Variants in PRDM1 observed in about 807,000 individuals in gnomAD.
The protein encoded by PRDM1 is PR/SET domain 1.
In PRDM1, 13 loss-of-function variants were observed where a neutral mutation model predicts 62.8. The observed-to-expected ratio is 0.21, with a 90% CI of 0.13 to 0.33. The LOEUF is 0.33. Among genes scored for constraint, PRDM1 ranks in the 10% least tolerant of loss-of-function variants. The pLI is 1.00. For synonymous variants in PRDM1, 396 were observed against 417.6 expected (o/e 0.95, Z 0.63); for missense variants, 895 against 1,058.8 (o/e 0.85, Z 2.15).
chr6:106,003,187 A>T (rs1185817186), intron 1 of PRDM1, among the ~76,000 whole-genome samples: 1 of 152,168 alleles, frequency 6.6e-6, no homozygotes, highest in Non-Finnish European at 1.5e-5. Context: ...GTGTCAGTAT[A>T]ATGTATTGTC....
Position 106,109,659 on chromosome 6 carries a change from C to A in PRDM1, c.*2173C>A, listed in dbSNP as rs1330509509. On this transcript the variant is annotated 3_prime_UTR_variant, in exon 7 of 7. Transcript: ENST00000369096. ...TCCCAACTACTCGTTTGTTCTTTTTCTCCTTTTGTGCTTTCCCATAGTGAG... is the reference window on the plus strand; with the variant it reads ...TCCCAACTACTCGTTTGTTCTTTTTATCCTTTTGTGCTTTCCCATAGTGAG... 1.7e-5 allele frequency: 4 copies of A among 233,270 alleles called. No individual in the cohort carries two copies. The highest frequency in any genetic ancestry group is 1.7e-5 in the Non-Finnish European group (2 of 117,838). The allele number at this position is 233,270 out of a possible 1,614,324, so 14.5% of individuals were successfully genotyped here.
intron 2 of PRDM1, among the ~76,000 whole-genome samples, chr6:106,092,672 GAGA>G (rs1241739322): frequency 6.6e-6 from 1 of 152,184 alleles, no homozygotes; most frequent in Non-Finnish European, 1.5e-5. Flanking sequence ...GGACCAGAGG[GAGA>G]CTTAGTACTT....
chr6:106,104,641 G>A (rs1774388412), intron 4 of PRDM1, among the ~76,000 whole-genome samples, 184 bp from the exon 5 acceptor site: 1 of 152,188 alleles, frequency 6.6e-6, no homozygotes, highest in Non-Finnish European at 1.5e-5. Context: ...AGGAGGAAAC[G>A]GAACTGCACT....
At chr6:106,077,003 A>G (rs1009741586) in intron 1 of PRDM1, among the ~76,000 whole-genome samples, 3 of 152,204 alleles carry the variant, frequency 2.0e-5, no homozygotes, top group Admixed American at 1.3e-4. Context: ...TGGAAAATCT[A>G]TTACATTTGT....
In PRDM1 at chr6:106,036,067, C is replaced by A. The variant is rs148583245; in HGVS notation, c.-67+42428C>A. 4.6e-3 allele frequency among the ~76,000 whole-genome samples: 699 copies of A among 152,018 alleles called. 5 individuals are homozygous for A. Among genetic ancestry groups the A allele is most frequent in the African/African-American group, 0.016 (657 of 41,456 alleles). Reference sequence around the variant, plus strand: ...ACAGGCGTGAGTCACTGTGCCTGGCCAGCTATTTGTTTTCTATATTCCTTA... The same window carrying A: ...ACAGGCGTGAGTCACTGTGCCTGGCAAGCTATTTGTTTTCTATATTCCTTA... On this transcript the variant is annotated intron_variant, in intron 1 of 6. Coordinates refer to the PRDM1 transcript ENST00000652320.
intron 1 of PRDM1, among the ~76,000 whole-genome samples, chr6:106,036,230 C>A (rs1772923981): frequency 6.6e-6 from 1 of 152,020 alleles, no homozygotes; most frequent in Non-Finnish European, 1.5e-5. Context: ...CTTACTGGAA[C>A]CTCTCCGTCC....
At chr6:106,069,021 G>C (rs576666623) in intron 1 of PRDM1, among the ~76,000 whole-genome samples, 3 of 152,136 alleles carry the variant, frequency 2.0e-5, no homozygotes, top group African/African-American at 7.2e-5. Context: ...AGCACACCAG[G>C]TTGTGGGGAT....
At chr6:106,043,141 A>G (rs1773026715) in intron 1 of PRDM1, among the ~76,000 whole-genome samples, 1 of 152,108 alleles carries the variant, frequency 6.6e-6, no homozygotes, top group Admixed American at 6.5e-5. Flanking sequence ...ATGAGCCACC[A>G]CAACTGGCCC....
chr6:106,029,796 T>C (rs1434100196), intron 1 of PRDM1, among the ~76,000 whole-genome samples: 1 of 152,142 alleles, frequency 6.6e-6, no homozygotes, highest in Non-Finnish European at 1.5e-5. Context: ...TGTTTGTATC[T>C]TTTGTAGAGC....
chr6:106,085,277 T>TA (rs988470741), upstream of PRDM1, among the ~76,000 whole-genome samples: 28 of 152,126 alleles, frequency 1.8e-4, no homozygotes, highest in African/African-American at 2.4e-4. Flanking sequence ...GAAATGATTT[T>TA]AAAAAAACCT....
chr6:106,068,232 C>T (rs1773462833), intron 1 of PRDM1, among the ~76,000 whole-genome samples: 1 of 152,084 alleles, frequency 6.6e-6, no homozygotes, highest in African/African-American at 2.4e-5. Flanking sequence ...GCTGGGATTA[C>T]AGGCGGATGC....
chr6:106,008,734 C>G (rs1267533461), intron 1 of PRDM1, among the ~76,000 whole-genome samples: 1 of 152,194 alleles, frequency 6.6e-6, no homozygotes, highest in African/African-American at 2.4e-5. Context: ...AGACTAGACA[C>G]TGGCTCTTTA....
chr6:106,006,832 T>TAGAGCAAAG (rs1772489311), intron 1 of PRDM1, among the ~76,000 whole-genome samples: 1 of 151,862 alleles, frequency 6.6e-6, no homozygotes, highest in Non-Finnish European at 1.5e-5. Flanking sequence ...CAGAGCAAAG[T>TAGAGCAAAG]TATCTCATCA....
chr6:106,105,295 G>A lies in PRDM1; in HGVS notation c.1135G>A (p.Ala379Thr), dbSNP rs748814652. 1.2e-6 allele frequency: 2 copies of A among 1,613,526 alleles called. No individual in the cohort carries two copies. The highest frequency in any genetic ancestry group is 2.2e-5 in the East Asian group (1 of 44,854). Residue 379 changes from alanine to threonine, a missense_variant, in exon 5 of 7, where the codon GCG (alanine) becomes ACG (threonine). This residue lies in a region of PRDM1 where 444 missense variants were observed against 422.7 expected (regional missense o/e 1.05). Coordinates refer to ENST00000369096, the MANE Select transcript of PRDM1 (RefSeq NM_001198.4). ...EHRDSYAYLNASYGTEGLGSY... is the reference protein window; with the variant it reads ...EHRDSYAYLNTSYGTEGLGSY... The stretch of plus-strand genomic sequence containing the variant: ...CCGGGACTCCTACGCTTACTTGAAC[G>A]CGTCCTACGGCACGGAAGGTTTGGG...
Position 106,005,233 on chromosome 6 carries a change from G to T in PRDM1, c.-67+11594G>T, listed in dbSNP as rs151087678. Among the ~76,000 whole-genome samples the T allele has an allele frequency of 8.5e-5, 13 of 152,334 alleles. No homozygotes were observed. The East Asian group carries it at 2.5e-3, about 29-fold the overall frequency. On this transcript the variant is annotated intron_variant, in intron 1 of 6. Transcript: ENST00000652320. ...TTCATGTGCTAATGAAGCCGAAAGT[G>T]ACTTAAGAGGATTTCTTTACACTGT...
At position 106,104,949 on chromosome 6, in the gene PRDM1, A is replaced by G; in HGVS notation, c.789A>G (p.Gly263=). Residue 263 remains glycine (G), a synonymous_variant, in exon 5 of 7, where the codon GGA becomes GGG. Transcript: ENST00000369096. ...AATTGGACTCCAACCCCTCCAAAGG[A>G]AAGGACCTCTACCGTTCTAACATTT... The part of the protein sequence containing the change: ...ILKLDSNPSK[G]KDLYRSNISP... The G allele has an allele frequency of 6.2e-7, 1 of 1,614,142 alleles. No individual in the cohort carries two copies. Among genetic ancestry groups the G allele is most frequent in the Non-Finnish European group, 8.5e-7 (1 of 1,180,032 alleles).
intron 1 of PRDM1, among the ~76,000 whole-genome samples, chr6:106,077,604 T>A (rs1225792683): frequency 2.0e-5 from 3 of 152,266 alleles, no homozygotes; most frequent in African/African-American, 7.2e-5. Context: ...CTTCTGAAAT[T>A]AAAAATGTTT....
intron 1 of PRDM1, among the ~76,000 whole-genome samples, chr6:106,038,947 A>G (rs1027141874): frequency 6.6e-6 from 1 of 152,196 alleles, no homozygotes; most frequent in Non-Finnish European, 1.5e-5. Flanking sequence ...CCTCTCTCCC[A>G]ACTGCCATTT....
Position 106,069,658 on chromosome 6 carries a change from C to G in PRDM1, c.-66-18543C>G, listed in dbSNP as rs1490568083. 1.3e-5 allele frequency among the ~76,000 whole-genome samples: 2 copies of G among 152,224 alleles called. 1 individual carries two copies. The highest frequency in any genetic ancestry group is 3.8e-4 in the East Asian group (2 of 5,204). On this transcript the variant is annotated intron_variant, in intron 1 of 6. Transcript: ENST00000651185. ...AGCTTCTCAGATACTCCAAATGACA[C>G]GTGCCAAACACGTGGAAGGTAAATC...
Sources: gnomAD v4.1 joint callset for allele counts (sites outside exome capture counted in the v4.1 genomes callset) on GRCh38, gnomAD v4.1.1 for gene constraint, gnomAD v4.1.1 regional missense constraint, MANE v1.5 for transcripts, NCBI Gene and HGNC (gene_info 2026-07-23, HGNC 2026-07-21) for gene names.